Variants in TENM3 observed in about 807,000 individuals in gnomAD.
TENM3 encodes the protein teneurin-3.
In TENM3, 63 loss-of-function variants were observed where a neutral mutation model predicts 255.1. The observed-to-expected ratio is 0.25, with a 90% CI of 0.20 to 0.30. The LOEUF is 0.30. Among genes scored for constraint, TENM3 ranks in the 10% least tolerant of loss-of-function variants. TENM3 has a pLI of 1.00. For synonymous variants in TENM3, 1,306 were observed against 1,322.3 expected (o/e 0.99, Z 0.27); for missense variants, 2,929 against 3,461.1 (o/e 0.85, Z 3.86).
Position 182,161,613 on chromosome 4 carries a change from GTATATATATATACAAATATATATATGTA to G in TENM3, c.-76+16874_-76+16901del, listed in dbSNP as rs1751197917. ...AATATATATATACATATATATATAT[GTATATATATATACAAATATATATATGTA>G]TATATATATATACACACACACAAAT... On this transcript the variant is annotated intron_variant, in intron 1 of 2. Transcript: ENST00000512480. Among the ~76,000 whole-genome samples, 6 of 100,082 alleles carry G rather than the reference GTATATATATATACAAATATATATATGTA, an allele frequency of 6.0e-5. 1 individual carries two copies. The highest frequency in any genetic ancestry group is 2.4e-4 in the African/African-American group (6 of 24,936). The allele number at this position is 100,082 out of a possible 152,430, so 65.7% of individuals were successfully genotyped here.
chr4:181,970,351 G>A, the TENM3 span, among the ~76,000 whole-genome samples: 1 of 152,186 alleles, frequency 6.6e-6, no homozygotes, highest in East Asian at 1.9e-4. Flanking sequence ...CTACAGAGCA[G>A]TAAAATTAAG....
chr4:182,241,575 G>A (rs75679282), upstream of TENM3, among the ~76,000 whole-genome samples: 5 of 122,568 alleles, frequency 4.1e-5, no homozygotes, highest in East Asian at 1.1e-3. Context: ...TTGCTATGCT[G>A]CGATCTTGGC....
the TENM3 span, among the ~76,000 whole-genome samples, chr4:181,877,488 A>G: frequency 6.6e-6 from 1 of 152,126 alleles, no homozygotes; most frequent in African/African-American, 2.4e-5. Flanking sequence ...TTTTATATTT[A>G]GTTTTACCTC....
At chr4:182,724,359 G>A (rs754047438) in intron 13 of TENM3, among the ~76,000 whole-genome samples, 21 of 152,156 alleles carry the variant, frequency 1.4e-4, no homozygotes, top group Non-Finnish European at 2.9e-4. Flanking sequence ...CTTAGCTGCC[G>A]TATAAATACA....
intron 3 of TENM3, among the ~76,000 whole-genome samples, chr4:182,599,345 T>C (rs1279673943): frequency 2.0e-5 from 3 of 152,114 alleles, no homozygotes; most frequent in Non-Finnish European, 2.9e-5. Flanking sequence ...ACCAAAGCAA[T>C]AAACCAAGAA....
At chr4:181,757,987 ATCTCCCCT>A in the TENM3 span, among the ~76,000 whole-genome samples, 1 of 152,136 alleles carries the variant, frequency 6.6e-6, no homozygotes, top group South Asian at 2.1e-4. Context: ...GACCAGTGAC[ATCTCCCCT>A]TCTCCAGCCC....
intron 3 of TENM3, among the ~76,000 whole-genome samples, chr4:182,436,213 T>C (rs1439762019): frequency 2.0e-5 from 3 of 152,148 alleles, no homozygotes; most frequent in Non-Finnish European, 2.9e-5. Context: ...ATGTTAACAA[T>C]ATTTAGGATC....
At chr4:182,719,241 C>CTTTTTT (rs1158057157) in intron 13 of TENM3, among the ~76,000 whole-genome samples, 2 of 83,314 alleles carry the variant, frequency 2.4e-5, no homozygotes, top group African/African-American at 4.8e-5. Context: ...AAATAGAGTT[C>CTTTTTT]TTTTTTTTTT....
chr4:182,320,988 T>C (rs555464728), intron 1 of TENM3, among the ~76,000 whole-genome samples: 2 of 152,220 alleles, frequency 1.3e-5, no homozygotes, highest in African/African-American at 2.4e-5. Context: ...TATTTTAAAA[T>C]AGATGTCAAT....
chr4:181,950,672 T>A, the TENM3 span, among the ~76,000 whole-genome samples: 1 of 152,194 alleles, frequency 6.6e-6, no homozygotes, highest in Non-Finnish European at 1.5e-5. Context: ...ATTGTATTCA[T>A]GCACTGTTAC....
chr4:182,665,617 T>C (rs13107923), intron 6 of TENM3, among the ~76,000 whole-genome samples: 91,916 of 151,914 alleles, frequency 0.61, 27,886 homozygotes, highest in East Asian at 0.72. Context: ...TCCTGGAGGC[T>C]GGGCACGGTG....
intron 3 of TENM3, among the ~76,000 whole-genome samples, chr4:182,398,585 G>T (rs1769011457): frequency 6.6e-6 from 1 of 152,146 alleles, no homozygotes; most frequent in Non-Finnish European, 1.5e-5. Context: ...GGAATGAGTC[G>T]CATGCAGATA....
the TENM3 span, among the ~76,000 whole-genome samples, chr4:181,904,659 C>T: frequency 1.2e-3 from 183 of 152,298 alleles, 1 homozygote; most frequent in Non-Finnish European, 3.5e-4. Flanking sequence ...ACTCTGTCCT[C>T]GCTGCCAGCC....
intron 3 of TENM3, among the ~76,000 whole-genome samples, chr4:182,405,120 C>T (rs1363766413): frequency 1.3e-5 from 2 of 152,112 alleles, no homozygotes; most frequent in Admixed American, 1.3e-4. Flanking sequence ...AGGTATTAGG[C>T]GTCATTACTC....
At chr4:182,627,203 A>G (rs1193349775) in intron 4 of TENM3, among the ~76,000 whole-genome samples, 5 of 152,218 alleles carry the variant, frequency 3.3e-5, no homozygotes, top group Non-Finnish European at 2.9e-5. Context: ...GGATACTTAC[A>G]TAACACTTGG....
chr4:182,160,639 C>T (rs1393262535), intron 1 of TENM3, among the ~76,000 whole-genome samples: 2 of 152,046 alleles, frequency 1.3e-5, no homozygotes, highest in African/African-American at 4.8e-5. Flanking sequence ...CTAAAAAAGT[C>T]GAAATCATGG....
chr4:182,347,216 G>GA (rs1164955469), intron 3 of TENM3, among the ~76,000 whole-genome samples: 45 of 147,508 alleles, frequency 3.1e-4, no homozygotes, highest in Admixed American at 5.4e-4. Flanking sequence ...ATCATCTACA[G>GA]AAAAAAAAAA....
the TENM3 span, among the ~76,000 whole-genome samples, chr4:181,753,235 G>C: frequency 6.6e-6 from 1 of 152,206 alleles, no homozygotes; most frequent in Non-Finnish European, 1.5e-5. Flanking sequence ...TCTTCACACA[G>C]AAATGCTTTA....
chr4:181,888,532 A>ATATATATATG, the TENM3 span, among the ~76,000 whole-genome samples: 65 of 78,718 alleles, frequency 8.3e-4, no homozygotes, highest in African/African-American at 2.8e-3. Context: ...ATATACATAT[A>ATATATATATG]TGTGTATATA....
Sources: allele counts gnomAD v4.1 joint callset (sites outside exome capture counted in the v4.1 genomes callset), GRCh38; gene constraint gnomAD v4.1.1; transcripts MANE v1.5; gene names NCBI Gene and HGNC (gene_info 2026-07-23, HGNC 2026-07-21).